The following XRCC5 variants were observed in gnomAD, a reference collection of about 807,000 sequenced individuals.
XRCC5 encodes the protein DNA repair protein Ku80.
In XRCC5, 12 loss-of-function variants were observed where a neutral mutation model predicts 95.7. The ratio of observed to expected loss-of-function variants is 0.13; its 90% confidence interval spans 0.08 to 0.20. The LOEUF (loss-of-function observed/expected upper bound fraction) is 0.20. Ranked by LOEUF, XRCC5 falls within the 10% of genes least tolerant of loss-of-function variation. The pLI is 1.00. For missense variants in XRCC5, 595 were observed against 873.9 expected, an observed-to-expected ratio of 0.68 and a Z score of 4.02; for synonymous variants, 281 against 290.3, an observed-to-expected ratio of 0.97 and a Z score of 0.33.
At position 216,109,474 on chromosome 2, in the gene XRCC5, G is replaced by A. The variant is rs774065112; in HGVS notation, c.21+17G>A. 1.2e-6 allele frequency: 2 copies of A among 1,613,870 alleles called. No individual in the cohort carries two copies. The highest frequency in any genetic ancestry group is 1.7e-6 in the Non-Finnish European group (2 of 1,179,836). On this transcript the variant is annotated intron_variant, in intron 1 of 20. Transcript: ENST00000392132. ...GGGAATAAGGTATAAAGAAAGCCAT[G>A]GACTTGGGCTTTACCCGGACTGGGG...
intron 13 of XRCC5, among the ~76,000 whole-genome samples, chr2:216,146,116 C>T (rs1688627841): frequency 6.6e-6 from 1 of 152,058 alleles, no homozygotes; most frequent in African/African-American, 2.4e-5. Context: ...TACTGATGCT[C>T]AAGGGAAAGT....
At chr2:216,121,784 C>G (rs1307133387) in intron 5 of XRCC5, among the ~76,000 whole-genome samples, 1 of 152,162 alleles carries the variant, frequency 6.6e-6, no homozygotes, top group Non-Finnish European at 1.5e-5. Context: ...GTAATCCTTG[C>G]CACAGTTGAG....
chr2:216,188,267 T>G (rs1689544800), intron 16 of XRCC5, among the ~76,000 whole-genome samples: 1 of 152,222 alleles, frequency 6.6e-6, no homozygotes, highest in African/African-American at 2.4e-5. Context: ...TTTTTAAAAA[T>G]TCAAACCAAT....
chr2:216,168,987 AAAACAACATT>A (rs1689103105), intron 16 of XRCC5, among the ~76,000 whole-genome samples: 1 of 152,242 alleles, frequency 6.6e-6, no homozygotes, highest in South Asian at 2.1e-4. Flanking sequence ...TACACTTTTT[AAAACAACATT>A]ATAGGGTCAC....
chr2:216,149,118 T>C (rs1688695372), intron 14 of XRCC5, among the ~76,000 whole-genome samples: 1 of 152,172 alleles, frequency 6.6e-6, no homozygotes, highest in South Asian at 2.1e-4. Flanking sequence ...TCCACAACTA[T>C]CTTTATTGAC....
chr2:216,158,586 G>A (rs947339273), intron 14 of XRCC5, among the ~76,000 whole-genome samples: 7 of 151,512 alleles, frequency 4.6e-5, no homozygotes, highest in South Asian at 2.1e-4. Flanking sequence ...ATTTTTCCAC[G>A]AAGGCTGTGT....
At chr2:216,149,689 C>T (rs1688707540) in intron 14 of XRCC5, among the ~76,000 whole-genome samples, 1 of 152,108 alleles carries the variant, frequency 6.6e-6, no homozygotes, top group African/African-American at 2.4e-5. Flanking sequence ...TTCTGCTCTT[C>T]CCTTTGATTA....
chr2:216,170,735 C>T (rs1320335442), intron 16 of XRCC5, among the ~76,000 whole-genome samples: 1 of 152,206 alleles, frequency 6.6e-6, no homozygotes, highest in African/African-American at 2.4e-5. Context: ...AAATGCAGAA[C>T]TCTTGGGTGC....
In XRCC5 at chr2:216,130,889, A is replaced by T; in HGVS notation, c.952A>T (p.Ser318Cys). The change falls in exon 9 of 21, where the codon AGT becomes TGT. Residue 318 changes from serine (S) to cysteine (C), a missense_variant. Coordinates refer to ENST00000392132, the MANE Select transcript of XRCC5 (RefSeq NM_021141.4). ...TTTTTCTCCAGGGTTCCGCTATGGA[A>T]GTGATATAGTTCCTTTCTCTAAAGT... Reference protein sequence around the residue: ...EDIIQGFRYGSDIVPFSKVDE... With the variant: ...EDIIQGFRYGCDIVPFSKVDE... 6.2e-7 allele frequency: 1 copy of T among 1,609,484 alleles called. No homozygotes were observed. The highest frequency in any genetic ancestry group is 8.5e-7 in the Non-Finnish European group (1 of 1,178,458).
At chr2:216,126,439 C>G (rs1696901190) in intron 7 of XRCC5, among the ~76,000 whole-genome samples, 3 of 152,164 alleles carry the variant, frequency 2.0e-5, no homozygotes, top group Non-Finnish European at 2.9e-5. Flanking sequence ...TATGAATGAT[C>G]TGATAGTAAC....
At chr2:216,203,848 C>CTT (rs56250537) in intron 19 of XRCC5, among the ~76,000 whole-genome samples, 16,746 of 118,674 alleles carry the variant, frequency 0.14, 1,788 homozygotes, top group South Asian at 0.28. Context: ...TTATTCTAAG[C>CTT]TTTTTTTTTT....
At chr2:216,187,223 G>T (rs1468936897) in intron 16 of XRCC5, among the ~76,000 whole-genome samples, 1 of 152,124 alleles carries the variant, frequency 6.6e-6, no homozygotes, top group Non-Finnish European at 1.5e-5. Context: ...GAACCCTCTG[G>T]AGGAAAGAGC....
intron 13 of XRCC5, among the ~76,000 whole-genome samples, chr2:216,141,540 CTTTTTTTTTTTTTT>C (rs71401137): frequency 3.1e-5 from 2 of 65,006 alleles, no homozygotes; most frequent in African/African-American, 7.4e-5. Flanking sequence ...TCTTTCTTTT[CTTTTTTTTTTTTTT>C]TTTTTTTTTT....
chr2:216,160,311 G>A, intron 15 of XRCC5, 150 bp downstream of exon 15: 2 of 489,214 alleles, frequency 4.1e-6, no homozygotes, highest in South Asian at 3.9e-5. Flanking sequence ...AAGCCAAAAA[G>A]ACCCATTCCA....
intron 13 of XRCC5, among the ~76,000 whole-genome samples, chr2:216,146,919 T>TG (rs1688647544): frequency 6.6e-6 from 1 of 152,220 alleles, no homozygotes; most frequent in Non-Finnish European, 1.5e-5. Context: ...CCAGGTAGTA[T>TG]TTTTGGTGCT....
At chr2:216,137,428 G>A (rs1322465950) in intron 11 of XRCC5, among the ~76,000 whole-genome samples, 1 of 152,056 alleles carries the variant, frequency 6.6e-6, no homozygotes, top group Non-Finnish European at 1.5e-5. Context: ...CTTTCGGTTG[G>A]AGGAAAAAGT....
At chr2:216,190,760 G>GA (rs34783029) in intron 17 of XRCC5, among the ~76,000 whole-genome samples, 3 of 151,948 alleles carry the variant, frequency 2.0e-5, no homozygotes, top group South Asian at 2.1e-4. Context: ...CTAAATGTCA[G>GA]AAAAAAAAGA....
chr2:216,192,561 C>G, intron 17 of XRCC5, 78 bp from the exon 18 acceptor site: 1 of 958,534 alleles, frequency 1.0e-6, no homozygotes, highest in Non-Finnish European at 1.5e-6. Flanking sequence ...TCAGACCAAA[C>G]TTTGTTTGGT....
rs1689900502 is a variant in XRCC5 at position 216,204,258 on chromosome 2, T to G, written c.2110-64T>G. 4 of 1,591,006 alleles carry G rather than the reference T, an allele frequency of 2.5e-6. No homozygotes were observed. In the African/African-American group the frequency reaches 5.4e-5, roughly 21 times the overall value. ...GTTTTGCTGTGGCAATGCTAGCAGA[T>G]TGTTCCCTCTTTCAAAGGGGCAAAA... is the stretch of plus-strand genomic sequence containing the variant. On this transcript the variant is annotated intron_variant, in intron 19 of 20. Transcript: ENST00000392132.
Sources: allele counts gnomAD v4.1 joint callset (sites outside exome capture counted in the v4.1 genomes callset), GRCh38; gene constraint gnomAD v4.1.1; transcripts MANE v1.5; gene names NCBI Gene and HGNC (gene_info 2026-07-23, HGNC 2026-07-21).